JAKMIP2: variants seen among roughly 807,000 people sequenced by gnomAD.
JAKMIP2 encodes the protein janus kinase and microtubule-interacting protein 2.
A neutral mutation model predicts 115.0 loss-of-function variants in JAKMIP2; 25 were observed. The observed-to-expected ratio is 0.22, with a 90% CI of 0.16 to 0.30. The LOEUF (loss-of-function observed/expected upper bound fraction) is 0.30. Ranked by LOEUF, JAKMIP2 falls within the 10% of genes least tolerant of loss-of-function variation. The probability of loss-of-function intolerance (pLI) is 1.00; values close to 1 mark genes in which losing one functional copy is unlikely to be tolerated. For missense variants in JAKMIP2, 642 were observed against 957.6 expected (o/e 0.67, Z 4.35); for synonymous variants, 334 against 343.6 (o/e 0.97, Z 0.31).
Position 147,591,436 on chromosome 5 carries a change from GTTC to G in JAKMIP2, c.*268_*270del. On this transcript the variant is annotated 3_prime_UTR_variant, in exon 22 of 22. Coordinates refer to ENST00000616793, the MANE Select transcript of JAKMIP2 (RefSeq NM_001270941.2). ...TTTCTTTACACAATATATGTTTATA[GTTC>G]TTCTCTTCTGATTTGACATATACAT... The G allele has an allele frequency of 2.0e-6, 1 of 507,134 alleles. No homozygotes were observed. The highest frequency in any genetic ancestry group is 3.5e-6 in the Non-Finnish European group (1 of 285,058). The allele number at this position is 507,134 out of a possible 1,614,324, so 31.4% of individuals were successfully genotyped here.
rs148632877 is a variant in JAKMIP2 at position 147,734,214 on chromosome 5, C to T, written c.-149+48242G>A. On this transcript the variant is annotated intron_variant, in intron 1 of 21. Coordinates refer to ENST00000616793, the MANE Select transcript of JAKMIP2 (RefSeq NM_001270941.2). ...TCAAAACCACAATGAGATACCATCG[C>T]ATGTCAGTTAGAATGGTGATCATTA... is the stretch of plus-strand genomic sequence containing the variant. 6.8e-3 allele frequency among the ~76,000 whole-genome samples: 1,042 copies of T among 152,218 alleles called. 9 individuals carry two copies. Among genetic ancestry groups the T allele is most frequent in the Non-Finnish European group, 0.011 (737 of 68,022 alleles).
chr5:147,774,979 A>G (rs1240143622), intron 1 of JAKMIP2, among the ~76,000 whole-genome samples: 1 of 152,170 alleles, frequency 6.6e-6, no homozygotes, highest in Non-Finnish European at 1.5e-5. Context: ...AAAATTTGTC[A>G]GATTTAGTTT....
At chr5:147,703,440 T>C (rs1229558410) in intron 1 of JAKMIP2, among the ~76,000 whole-genome samples, 1 of 152,070 alleles carries the variant, frequency 6.6e-6, no homozygotes, top group Non-Finnish European at 1.5e-5. Flanking sequence ...GACTGGAAGT[T>C]GTTCTGGGTG....
intron 1 of JAKMIP2, among the ~76,000 whole-genome samples, chr5:147,781,818 A>T (rs1352264217): frequency 6.6e-6 from 1 of 152,250 alleles, no homozygotes; most frequent in Non-Finnish European, 1.5e-5. Context: ...AATATGCTTC[A>T]TAAATGCAAT....
At chr5:147,592,972 T>C (rs930488653) in intron 21 of JAKMIP2, among the ~76,000 whole-genome samples, 2 of 152,038 alleles carry the variant, frequency 1.3e-5, no homozygotes, top group Admixed American at 1.3e-4. Flanking sequence ...GGAAGTACAG[T>C]GGTCGGGGAG....
intron 17 of JAKMIP2, 57 bp from the exon 18 acceptor site, chr5:147,620,800 A>C: frequency 8.4e-7 from 1 of 1,187,022 alleles, no homozygotes; most frequent in Non-Finnish European, 1.3e-6. Flanking sequence ...AGTGACGTAC[A>C]AATGGTATTG....
At chr5:147,593,037 G>C (rs1254172214) in intron 21 of JAKMIP2, among the ~76,000 whole-genome samples, 1 of 152,184 alleles carries the variant, frequency 6.6e-6, no homozygotes, top group African/African-American at 2.4e-5. Flanking sequence ...GATATTGATG[G>C]TGGATTCACA....
intron 3 of JAKMIP2, among the ~76,000 whole-genome samples, chr5:147,655,660 A>AT (rs1194301665): frequency 2.0e-5 from 3 of 151,846 alleles, no homozygotes; most frequent in Non-Finnish European, 2.9e-5. Context: ...GGATTCATTG[A>AT]TTTTTTGAAG....
At chr5:147,657,114 C>A (rs1758717664) in intron 3 of JAKMIP2, among the ~76,000 whole-genome samples, 1 of 152,050 alleles carries the variant, frequency 6.6e-6, no homozygotes, top group South Asian at 2.1e-4. Context: ...CTCATCTCTA[C>A]TAAAAATACA....
chr5:147,660,860 G>C, intron 3 of JAKMIP2, 88 bp downstream of exon 3: 2 of 1,456,758 alleles, frequency 1.4e-6, no homozygotes, highest in African/African-American at 2.8e-5. Flanking sequence ...CCACTGACAA[G>C]AAAACACATG....
chr5:147,716,197 G>A (rs1384691812), intron 1 of JAKMIP2, among the ~76,000 whole-genome samples: 6 of 131,458 alleles, frequency 4.6e-5, no homozygotes, highest in Non-Finnish European at 9.6e-5. Flanking sequence ...TGGCTGCATA[G>A]TATTCCATGG....
chr5:147,698,729 TCCTGAGGCCTC>T (rs1325259654), intron 1 of JAKMIP2, among the ~76,000 whole-genome samples: 2 of 152,184 alleles, frequency 1.3e-5, no homozygotes, highest in Non-Finnish European at 2.9e-5. Flanking sequence ...ATTGTACGTT[TCCTGAGGCCTC>T]CCTAGCCATG....
chr5:147,703,624 A>C (rs1194480057), intron 1 of JAKMIP2, among the ~76,000 whole-genome samples: 1 of 146,758 alleles, frequency 6.8e-6, no homozygotes, highest in African/African-American at 2.5e-5. Context: ...ACAAGACCTC[A>C]CTATGTTTCC....
At chr5:147,707,279 CACATGCCAACTTA>C (rs113417028) in intron 1 of JAKMIP2, among the ~76,000 whole-genome samples, 3,944 of 152,220 alleles carry the variant, frequency 0.026, 174 homozygotes, top group African/African-American at 0.09. Context: ...TCACCATATC[CACATGCCAACTTA>C]ACGTTACTTA....
intron 1 of JAKMIP2, among the ~76,000 whole-genome samples, chr5:147,721,415 A>C (rs1301953131): frequency 6.6e-6 from 1 of 152,248 alleles, no homozygotes. Context: ...TACCTCAGCA[A>C]GCCTGGGCAA....
At chr5:147,726,723 C>T (rs907026333) in intron 1 of JAKMIP2, among the ~76,000 whole-genome samples, 1 of 152,172 alleles carries the variant, frequency 6.6e-6, no homozygotes, top group South Asian at 2.1e-4. Flanking sequence ...TGCTGCAGGT[C>T]CCTGAAACAA....
At chr5:147,697,476 G>A (rs1752150933) in intron 1 of JAKMIP2, among the ~76,000 whole-genome samples, 1 of 152,196 alleles carries the variant, frequency 6.6e-6, no homozygotes. Context: ...AAACAATGGA[G>A]AATATGTCTC....
At chr5:147,653,505 G>A (rs1758517019) in intron 3 of JAKMIP2, among the ~76,000 whole-genome samples, 1 of 152,046 alleles carries the variant, frequency 6.6e-6, no homozygotes. Context: ...CCGCATAAAT[G>A]TCTTCTTTTG....
intron 1 of JAKMIP2, among the ~76,000 whole-genome samples, chr5:147,733,959 A>C (rs1753826594): frequency 6.6e-6 from 1 of 152,152 alleles, no homozygotes; most frequent in African/African-American, 2.4e-5. Context: ...AGAATGATTT[A>C]TAATCCTTTG....
Sources: gnomAD v4.1 joint callset for allele counts (sites outside exome capture counted in the v4.1 genomes callset) on GRCh38, gnomAD v4.1.1 for gene constraint, MANE v1.5 for transcripts, NCBI Gene and HGNC (gene_info 2026-07-23, HGNC 2026-07-21) for gene names.